TMOD1: variants seen among roughly 807,000 people sequenced by gnomAD.
TMOD1 encodes tropomodulin-1.
Under a neutral mutation model 40.6 loss-of-function variants are expected in TMOD1, and 17 were observed. The observed-to-expected ratio is 0.42, with a 90% confidence interval of 0.29 to 0.63. The LOEUF is 0.63. TMOD1 is among the 20% of genes least tolerant of loss of function. The pLI, the probability that TMOD1 is intolerant of heterozygous loss-of-function variation, is 0.22. For missense variants in TMOD1, 391 were observed against 447.6 expected (o/e 0.87, Z 1.14); for synonymous variants, 181 against 175.0 (o/e 1.03, Z -0.27).
chr9:97,594,471 T>C (rs1232538822), intron 9 of TMOD1, among the ~76,000 whole-genome samples: 3 of 152,216 alleles, frequency 2.0e-5, no homozygotes, highest in Admixed American at 6.5e-5. Flanking sequence ...GGACTGAGGC[T>C]GTTAGCAGGC....
rs539240580 is a variant in TMOD1, at chr9:97,574,414, G to A, written c.870+5377G>A. Among the ~76,000 whole-genome samples, 328 of 152,324 alleles carry A rather than the reference G, an allele frequency of 2.2e-3. 1 individual carries two copies. Among genetic ancestry groups the A allele is most frequent in the East Asian group, 0.021 (111 of 5,174 alleles). On this transcript the variant is annotated intron_variant, in intron 8 of 9. Coordinates refer to ENST00000259365, the MANE Select transcript of TMOD1 (RefSeq NM_003275.4). The stretch of plus-strand genomic sequence containing the variant: ...CGCCGGGCCTTAGCTGCCTCCCCAC[G>A]GGGCAGGGCTCGGGACCTGCAGCCC...
chr9:97,544,130 C>A (rs1331918019), intron 2 of TMOD1, among the ~76,000 whole-genome samples: 1 of 152,200 alleles, frequency 6.6e-6, no homozygotes, highest in East Asian at 1.9e-4. Flanking sequence ...GTGGGCCCTG[C>A]TCACTTACAG....
chr9:97,501,692 C>CGCCCGCCCGCT lies in TMOD1; in HGVS notation c.-152_-142dup, dbSNP rs1179565361. 10 of 149,148 alleles carry CGCCCGCCCGCT rather than the reference C, an allele frequency of 6.7e-5. No homozygotes were observed. The highest frequency in any genetic ancestry group is 1.5e-4 in the Non-Finnish European group (10 of 66,732). 9.2% of individuals were successfully genotyped at this position (149,148 alleles called of 1,614,324 possible). A position where few individuals can be genotyped will look rare whatever the true frequency, so the allele number is the denominator to read the frequency against. ...AGCTCGTCCAGCCCCGCGCTGCGCT[C>CGCCCGCCCGCT]GCCCGCCCGCTGCCCGCCGGAGCAC... On this transcript the variant is annotated 5_prime_UTR_variant, in exon 1 of 10. Coordinates refer to ENST00000259365, the MANE Select transcript of TMOD1 (RefSeq NM_003275.4).
chr9:97,525,058 C>T (rs566382638), intron 2 of TMOD1, among the ~76,000 whole-genome samples: 1 of 151,928 alleles, frequency 6.6e-6, no homozygotes, highest in Admixed American at 6.5e-5. Flanking sequence ...ATATACATCT[C>T]TTTAAACCAT....
At chr9:97,561,648 C>T (rs958573513) in intron 4 of TMOD1, among the ~76,000 whole-genome samples, 1 of 152,178 alleles carries the variant, frequency 6.6e-6, no homozygotes, top group Non-Finnish European at 1.5e-5. Context: ...CCTGTTTCCC[C>T]CAGCAGTGAT....
intron 9 of TMOD1, among the ~76,000 whole-genome samples, chr9:97,593,738 A>G (rs1826046354): frequency 6.6e-6 from 1 of 152,064 alleles, no homozygotes; most frequent in African/African-American, 2.4e-5. Flanking sequence ...CTGGTTGGGG[A>G]TGGGGCTTTA....
At chr9:97,562,886 T>G in intron 5 of TMOD1, 65 bp downstream of exon 5, 1 of 1,319,998 alleles carries the variant, frequency 7.6e-7, no homozygotes, top group South Asian at 1.4e-5. Flanking sequence ...ACTGATGTTC[T>G]CTGGCTCATT....
At chr9:97,514,908 C>CA (rs1829777624) in intron 1 of TMOD1, among the ~76,000 whole-genome samples, 1 of 152,242 alleles carries the variant, frequency 6.6e-6, no homozygotes, top group Non-Finnish European at 1.5e-5. Flanking sequence ...AAATGCCTGG[C>CA]ATGACTTCCT....
At chr9:97,544,261 G>T (rs986254202) in intron 2 of TMOD1, among the ~76,000 whole-genome samples, 1 of 152,216 alleles carries the variant, frequency 6.6e-6, no homozygotes, top group Non-Finnish European at 1.5e-5. Context: ...AGTTAGGCCA[G>T]ATGTGGTGGT....
chr9:97,532,286 C>CCCTA (rs996538706), intron 2 of TMOD1, among the ~76,000 whole-genome samples: 4 of 152,180 alleles, frequency 2.6e-5, no homozygotes, highest in Non-Finnish European at 4.4e-5. Context: ...TGTGTCCCCA[C>CCCTA]CCTACCCTCT....
intron 1 of TMOD1, among the ~76,000 whole-genome samples, chr9:97,523,113 G>T (rs888242134): frequency 5.3e-5 from 8 of 152,234 alleles, no homozygotes; most frequent in African/African-American, 1.4e-4. Context: ...TATCCAAGAA[G>T]ATCTTCAAGG....
At chr9:97,518,024 C>T (rs138055080) in intron 1 of TMOD1, among the ~76,000 whole-genome samples, 9 of 152,318 alleles carry the variant, frequency 5.9e-5, no homozygotes, top group East Asian at 3.9e-4. Flanking sequence ...CATCCCCCAT[C>T]GCCTCAGCTT....
intron 8 of TMOD1, among the ~76,000 whole-genome samples, chr9:97,575,028 G>T (rs928643594): frequency 6.6e-6 from 1 of 152,272 alleles, no homozygotes; most frequent in African/African-American, 2.4e-5. Context: ...GCAGGCTGCC[G>T]GATAACGCAG....
chr9:97,505,870 G>C (rs1042457303), intron 1 of TMOD1, among the ~76,000 whole-genome samples: 1 of 152,122 alleles, frequency 6.6e-6, no homozygotes, highest in Non-Finnish European at 1.5e-5. Flanking sequence ...GCCTCTTAAA[G>C]GTATTTCTGC....
intron 7 of TMOD1, among the ~76,000 whole-genome samples, chr9:97,566,490 G>A (rs1830729849): frequency 6.6e-6 from 1 of 152,042 alleles, no homozygotes; most frequent in South Asian, 2.1e-4. Context: ...GGCCAACATG[G>A]TGAAACCCCG....
chr9:97,579,834 G>C (rs2131280694), intron 8 of TMOD1, among the ~76,000 whole-genome samples: 1 of 152,228 alleles, frequency 6.6e-6, no homozygotes, highest in Middle Eastern at 3.4e-3. Flanking sequence ...AATGGGGAGA[G>C]ATCATTTCCT....
chr9:97,553,529 A>G, intron 4 of TMOD1, 129 bp downstream of exon 4: 1 of 1,328,164 alleles, frequency 7.5e-7, no homozygotes, highest in Non-Finnish European at 1.0e-6. Context: ...GGAGACCGAG[A>G]GTGTTCAAAC....
chr9:97,508,094 C>G (rs1370461636), intron 1 of TMOD1, among the ~76,000 whole-genome samples: 1 of 148,212 alleles, frequency 6.7e-6, no homozygotes, highest in Non-Finnish European at 1.5e-5. Flanking sequence ...CACACACACA[C>G]ACACACACAC....
chr9:97,576,874 T>C (rs930202017), intron 8 of TMOD1, among the ~76,000 whole-genome samples: 15 of 151,946 alleles, frequency 9.9e-5, no homozygotes, highest in Non-Finnish European at 2.2e-4. Context: ...CTCCTGACCT[T>C]GTGATCCGCC....
Sources: allele counts gnomAD v4.1 joint callset (sites outside exome capture counted in the v4.1 genomes callset), GRCh38; gene constraint gnomAD v4.1.1; transcripts MANE v1.5; gene names NCBI Gene and HGNC (gene_info 2026-07-23, HGNC 2026-07-21).